Variants in MYH15 observed in about 807,000 individuals in gnomAD.
The protein encoded by MYH15 is myosin-15.
A neutral mutation model predicts 240.5 loss-of-function variants in MYH15; 227 were observed. The ratio of observed to expected loss-of-function variants is 0.94; its 90% CI spans 0.85 to 1.05. The LOEUF (loss-of-function observed/expected upper bound fraction) is 1.05. Ranked by LOEUF, MYH15 falls within the 50% of genes least tolerant of loss-of-function variation. The probability of loss-of-function intolerance (pLI) is 0.00; values close to 1 mark genes in which losing one functional copy is unlikely to be tolerated. For synonymous variants in MYH15, 785 were observed against 796.7 expected (o/e 0.99, Z 0.25); for missense variants, 2,217 against 2,247.5 (o/e 0.99, Z 0.27).
chr3:108,410,195 G>T (rs1360539932), intron 31 of MYH15, among the ~76,000 whole-genome samples: 1 of 152,138 alleles, frequency 6.6e-6, no homozygotes, highest in African/African-American at 2.4e-5. Flanking sequence ...TACGTAGTAT[G>T]GGCTATAGAA....
chr3:108,549,608 T>G, the MYH15 span, among the ~76,000 whole-genome samples: 5 of 152,022 alleles, frequency 3.3e-5, no homozygotes, highest in African/African-American at 9.7e-5. Flanking sequence ...TCTAACAGGA[T>G]GGTTATCAAA....
chr3:108,437,185 A>ATTT (rs10714366), intron 25 of MYH15, among the ~76,000 whole-genome samples: 2 of 142,502 alleles, frequency 1.4e-5, no homozygotes, highest in Non-Finnish European at 1.5e-5. Context: ...ATCAGGATCA[A>ATTT]TTTTTTTTTT....
intron 26 of MYH15, among the ~76,000 whole-genome samples, chr3:108,430,058 G>A (rs2082765576): frequency 6.6e-6 from 1 of 152,138 alleles, no homozygotes; most frequent in South Asian, 2.1e-4. Flanking sequence ...AGAGTCATTT[G>A]AAGACAAGCC....
At chr3:108,530,629 C>T (rs2107280334), upstream of MYH15, among the ~76,000 whole-genome samples, 1 of 152,210 alleles carries the variant, frequency 6.6e-6, no homozygotes. Context: ...GATGTGTACT[C>T]TGGTGGGGAT....
chr3:108,386,910 G>A (rs1287836068), intron 38 of MYH15, among the ~76,000 whole-genome samples: 6 of 152,114 alleles, frequency 3.9e-5, no homozygotes, highest in Non-Finnish European at 7.4e-5. Flanking sequence ...GGTGGAGAGT[G>A]AGGGGCAGAG....
intron 17 of MYH15, among the ~76,000 whole-genome samples, chr3:108,459,762 C>T (rs2083055641): frequency 6.6e-6 from 1 of 152,140 alleles, no homozygotes; most frequent in African/African-American, 2.4e-5. Flanking sequence ...CTCAAGTTCT[C>T]TCTCTGTGGA....
upstream of MYH15, among the ~76,000 whole-genome samples, chr3:108,531,080 A>G (rs764161841): frequency 1.3e-5 from 2 of 152,170 alleles, no homozygotes; most frequent in Non-Finnish European, 2.9e-5. Flanking sequence ...AACTAGTGGT[A>G]TTTTACAAAG....
At position 108,459,390 on chromosome 3, in the gene MYH15, G is replaced by C. The variant is rs758176683; in HGVS notation, c.1992C>G (p.Cys664Trp). ...GTATTTTGTTCACATTGGGATTTATGCATCTCACAAAATGAGGTGCTGTTG... is the reference window on the plus strand; with the variant it reads ...GTATTTTGTTCACATTGGGATTTATCCATCTCACAAAATGAGGTGCTGTTG... ...LKSTAPHFVRCINPNVNKIPG... is the reference protein window; with the variant it reads ...LKSTAPHFVRWINPNVNKIPG... Residue 664 changes from cysteine (C) to tryptophan (W), a missense_variant, in exon 18 of 41, where the codon TGC becomes TGG. By Grantham distance (215) the Cys-to-Trp change is radical. Transcript: ENST00000693548. 5 of 1,602,712 alleles carry C rather than the reference G, an allele frequency of 3.1e-6. No homozygotes were observed. The Admixed American group carries it at 8.6e-5, about 28-fold the overall frequency.
intron 12 of MYH15, among the ~76,000 whole-genome samples, chr3:108,473,098 C>G (rs1334659315): frequency 6.6e-6 from 1 of 152,214 alleles, no homozygotes; most frequent in African/African-American, 2.4e-5. Context: ...ACCTCCGCCT[C>G]CAAGGTTCAA....
chr3:108,480,934 A>G (rs887059416), intron 11 of MYH15, among the ~76,000 whole-genome samples: 1 of 152,198 alleles, frequency 6.6e-6, no homozygotes, highest in Non-Finnish European at 1.5e-5. Flanking sequence ...ACCTTCCTAA[A>G]TAATTAACTG....
chr3:108,416,922 G>A lies in MYH15; in HGVS notation c.3838C>T (p.Leu1280=). 4 of 1,611,156 alleles carry A rather than the reference G, an allele frequency of 2.5e-6. No individual in the cohort carries two copies. Among genetic ancestry groups the A allele is most frequent in the Non-Finnish European group, 3.4e-6 (4 of 1,177,836 alleles). ...TKLWSESGEF[L]RRLEEKEALI... Reference sequence around the variant, plus strand: ...GCCTCCTTCTCTTCAAGCCTCCGTAGGAACTCGCCTACAGAAAGATTTCAC... The same window carrying A: ...GCCTCCTTCTCTTCAAGCCTCCGTAAGAACTCGCCTACAGAAAGATTTCAC... Residue 1280 remains leucine (L), a synonymous_variant, in exon 29 of 41, where the codon CTA becomes TTA. Transcript: ENST00000693548.
At chr3:108,384,547 A>G (rs2082366756) in intron 39 of MYH15, 140 bp downstream of exon 39, 4 of 722,010 alleles carry the variant, frequency 5.5e-6, no homozygotes, top group South Asian at 3.9e-5. Flanking sequence ...CTAACTTGAG[A>G]AAAAAAACTG....
chr3:108,440,332 TAAAG>T (rs1249796363), intron 23 of MYH15, among the ~76,000 whole-genome samples: 1 of 152,114 alleles, frequency 6.6e-6, no homozygotes, highest in African/African-American at 2.4e-5. Flanking sequence ...AAGTGGCAGT[TAAAG>T]AAAGGTTCCA....
In MYH15 at chr3:108,408,321, C is replaced by A; in HGVS notation, c.4579G>T (p.Glu1527Ter). 2 of 1,613,606 alleles carry A rather than the reference C, an allele frequency of 1.2e-6. No homozygotes were observed. Among genetic ancestry groups the A allele is most frequent in the Non-Finnish European group, 1.7e-6 (2 of 1,179,896 alleles). Reference protein sequence around the residue: ...EMEKVKKLIEEEKTEVQVTLE... With the variant: ...EMEKVKKLIE ...GTCACCTGGACTTCTGTCTTCTCTT[C>A]TTCAATTAGTTTCTTGACCTTTTCC... Residue 1527 changes from glutamate to a stop codon, truncating the protein, a stop_gained, in exon 32 of 41, where the codon GAA becomes TAA. Transcript: ENST00000693548. LOFTEE classifies it high-confidence loss of function.
At chr3:108,507,260 T>TTCAC (rs1400015189) in intron 1 of MYH15, among the ~76,000 whole-genome samples, 13,842 of 81,270 alleles carry the variant, frequency 0.17, 1,517 homozygotes, top group Middle Eastern at 0.25. Flanking sequence ...TATATATATA[T>TTCAC]ATATATATAT....
intron 14 of MYH15, among the ~76,000 whole-genome samples, chr3:108,467,235 A>G (rs1294022308): frequency 1.3e-5 from 2 of 151,640 alleles, no homozygotes; most frequent in Non-Finnish European, 2.9e-5. Flanking sequence ...TTGCCAATCA[A>G]AAAAAGGATG....
At chr3:108,513,282 T>A (rs768416552), upstream of MYH15, among the ~76,000 whole-genome samples, 2 of 152,182 alleles carry the variant, frequency 1.3e-5, no homozygotes. Flanking sequence ...TATTTGAGAC[T>A]GGTATACTCA....
rs776574998 is a variant in MYH15, at chr3:108,500,160, T to C, written c.454A>G (p.Ile152Val). 3.7e-6 allele frequency: 6 copies of C among 1,614,046 alleles called. No homozygotes were observed. The Admixed American group carries it at 6.7e-5, about 18-fold the overall frequency. ...GKRRSEAPPH[I>V]FAVANNAFQD... ...AAGGCGTTATTGGCAACAGCAAAGA[T>C]GTGAGGGGGAGCCTCTGATCGCCTC... The change falls in exon 4 of 41, where the codon ATC becomes GTC. Residue 152 changes from isoleucine to valine, a missense_variant. Ile to Val is a conservative substitution (Grantham distance 29, BLOSUM62 3). Coordinates refer to ENST00000693548, the MANE Select transcript of MYH15 (RefSeq NM_014981.3).
At chr3:108,405,806 G>T (rs1015456984) in intron 32 of MYH15, among the ~76,000 whole-genome samples, 2 of 152,124 alleles carry the variant, frequency 1.3e-5, no homozygotes, top group African/African-American at 4.8e-5. Flanking sequence ...ATTTTAAAAA[G>T]TATCAGAGCT....
Sources: allele counts gnomAD v4.1 joint callset (sites outside exome capture counted in the v4.1 genomes callset), GRCh38; gene constraint gnomAD v4.1.1; transcripts MANE v1.5; gene names NCBI Gene and HGNC (gene_info 2026-07-23, HGNC 2026-07-21).